SECISBP2: variants seen among roughly 807,000 people sequenced by gnomAD.
The protein encoded by SECISBP2 is selenocysteine insertion sequence-binding protein 2.
In SECISBP2, 96 loss-of-function variants were observed where a neutral mutation model predicts 98.2. That is an observed-to-expected ratio of 0.98 (90% CI 0.83 to 1.16). The LOEUF (loss-of-function observed/expected upper bound fraction) is 1.16. Ranked by LOEUF, SECISBP2 falls within the 50% of genes most tolerant of loss-of-function variation. The probability of loss-of-function intolerance (pLI) is 0.00; values close to 1 mark genes in which losing one functional copy is unlikely to be tolerated. For synonymous variants in SECISBP2, 407 were observed against 370.2 expected, an observed-to-expected ratio of 1.10 and a Z score of -1.14; for missense variants, 1,046 against 1,022.9, an observed-to-expected ratio of 1.02 and a Z score of -0.31.
chr9:89,325,682 T>C lies in SECISBP2; in HGVS notation c.432+6T>C. 1 of 1,613,838 alleles carries C rather than the reference T, an allele frequency of 6.2e-7. No homozygotes were observed. Among genetic ancestry groups the C allele is most frequent in the East Asian group, 2.2e-5 (1 of 44,862 alleles). ...AAATGAAAGCTCTGTTTAAGGTGAGTAGTGATGTTGTTTTGTTGTGTCCTT... is the reference window on the plus strand; with the variant it reads ...AAATGAAAGCTCTGTTTAAGGTGAGCAGTGATGTTGTTTTGTTGTGTCCTT... On this transcript the variant is annotated splice_donor_region_variant and intron_variant, in intron 3 of 16. Coordinates refer to ENST00000375807, the MANE Select transcript of SECISBP2 (RefSeq NM_024077.5).
At chr9:89,340,429 G>C (rs1399347934) in intron 9 of SECISBP2, among the ~76,000 whole-genome samples, 1 of 152,188 alleles carries the variant, frequency 6.6e-6, no homozygotes, top group Non-Finnish European at 1.5e-5. Flanking sequence ...AGATTCAGGA[G>C]GGAGCTTGTG....
At chr9:89,318,767 G>A in intron 1 of SECISBP2, 155 bp downstream of exon 1, 1 of 1,241,278 alleles carries the variant, frequency 8.1e-7, no homozygotes, top group Non-Finnish European at 1.0e-6. Flanking sequence ...CGATCTTCGC[G>A]CCCCGCCTCG....
chr9:89,362,375 T>C, downstream of SECISBP2: 1 of 1,613,962 alleles, frequency 6.2e-7, no homozygotes, highest in Non-Finnish European at 8.5e-7. Context: ...GGGGTTGAGG[T>C]CGGTGTCAGG....
chr9:89,345,339 A>G (rs1830270076), intron 10 of SECISBP2, among the ~76,000 whole-genome samples: 1 of 152,122 alleles, frequency 6.6e-6, no homozygotes, highest in African/African-American at 2.4e-5. Flanking sequence ...CAAGCCCCTT[A>G]TGGCAGTGAC....
At chr9:89,323,488 A>G (rs1409398921) in intron 2 of SECISBP2, 1 of 152,586 alleles carries the variant, frequency 6.6e-6, no homozygotes, top group Admixed American at 6.5e-5. Flanking sequence ...TGGTCAAGCC[A>G]GACCCAACGG....
rs1216118099 is a variant in SECISBP2 at position 89,358,867 on chromosome 9, G to T, written c.*43G>T. ...TCTGTATTTTGGGTAAGGAGGGGAGGTCTGAAAAAGACTTTGGGGCTTTTT... is the reference window on the plus strand; with the variant it reads ...TCTGTATTTTGGGTAAGGAGGGGAGTTCTGAAAAAGACTTTGGGGCTTTTT... On this transcript the variant is annotated 3_prime_UTR_variant, in exon 17 of 17. Coordinates refer to ENST00000375807, the MANE Select transcript of SECISBP2 (RefSeq NM_024077.5). The T allele has an allele frequency of 8.2e-7, 1 of 1,223,636 alleles. No individual in the cohort carries two copies. The highest frequency in any genetic ancestry group is 1.2e-5 in the South Asian group (1 of 82,374). The allele number at this position is 1,223,636 out of a possible 1,614,324, so 75.8% of individuals were successfully genotyped here.
At chr9:89,325,861 G>T (rs1209068454) in intron 3 of SECISBP2, 36 bp from the exon 4 acceptor site, 1 of 1,612,924 alleles carries the variant, frequency 6.2e-7, no homozygotes, top group Non-Finnish European at 8.5e-7. Context: ...TATAGTGGTG[G>T]TTTTATTTCA....
intron 2 of SECISBP2, among the ~76,000 whole-genome samples, chr9:89,320,465 G>T (rs1251955231): frequency 1.3e-5 from 2 of 151,402 alleles, no homozygotes; most frequent in African/African-American, 2.4e-5. Context: ...GAAGGGCAAA[G>T]AAAGGACCAA....
chr9:89,334,892 C>T (rs1290827033), intron 7 of SECISBP2, among the ~76,000 whole-genome samples, 162 bp downstream of exon 7: 1 of 152,170 alleles, frequency 6.6e-6, no homozygotes, highest in Non-Finnish European at 1.5e-5. Flanking sequence ...AGTGAGTGTA[C>T]TTAATGCCAC....
downstream of SECISBP2, chr9:89,361,229 C>G (rs1470665667): frequency 6.6e-6 from 1 of 152,212 alleles, no homozygotes; most frequent in Non-Finnish European, 1.5e-5. Flanking sequence ...CCAGCATCTT[C>G]AGGACACCTG....
At chr9:89,340,117 T>C (rs548775917) in intron 9 of SECISBP2, among the ~76,000 whole-genome samples, 164 bp downstream of exon 9, 147 of 152,316 alleles carry the variant, frequency 9.7e-4, no homozygotes, top group Non-Finnish European at 2.4e-4. Context: ...TGAAACAGAA[T>C]TGCTCTTAAA....
At chr9:89,363,588 C>T, downstream of SECISBP2, 1 of 1,604,628 alleles carries the variant, frequency 6.2e-7, no homozygotes. Context: ...ACCCTTGATG[C>T]CCACTGGCCA....
In SECISBP2 at chr9:89,338,523, A is replaced by G. The variant is rs1401628288; in HGVS notation, c.1155A>G (p.Lys385=). 4 of 1,613,220 alleles carry G rather than the reference A, an allele frequency of 2.5e-6. No individual in the cohort carries two copies. The highest frequency in any genetic ancestry group is 1.3e-5 in the African/African-American group (1 of 74,854). The change falls in exon 8 of 17, where the codon AAA becomes AAG. Residue 385 remains lysine (K), a synonymous_variant. Transcript: ENST00000375807. ...CCTCAAGAAAGAATAAGAAAAAGAAAGAAAAATCTACATCAAAATATGAAG... is the reference window on the plus strand; with the variant it reads ...CCTCAAGAAAGAATAAGAAAAAGAAGGAAAAATCTACATCAAAATATGAAG... ...NEASRKNKKK[K]EKSTSKYEVL...
At chr9:89,329,936 T>G (rs1827471371) in intron 5 of SECISBP2, 1 of 152,220 alleles carries the variant, frequency 6.6e-6, no homozygotes, top group African/African-American at 2.4e-5. Flanking sequence ...TTGAAATACA[T>G]TAAGTCCTCA....
chr9:89,340,499 TTGTCGTTTTGCCTTTTAAAGGGGGC>T (rs573950769), intron 9 of SECISBP2, among the ~76,000 whole-genome samples: 173 of 152,348 alleles, frequency 1.1e-3, no homozygotes, highest in African/African-American at 4.0e-3. Flanking sequence ...AGGATATTCA[TTGTCGTTTTGCCTTTTAAAGGGGGC>T]TGTTGTTTTC....
intron 10 of SECISBP2, among the ~76,000 whole-genome samples, chr9:89,345,216 G>T (rs1397860770): frequency 1.3e-5 from 2 of 152,200 alleles, no homozygotes; most frequent in African/African-American, 2.4e-5. Flanking sequence ...CCTGTCTGTT[G>T]CTTGACTGTT....
chr9:89,362,007 G>T, downstream of SECISBP2: 1 of 330,296 alleles, frequency 3.0e-6, no homozygotes, highest in Admixed American at 4.1e-5. Flanking sequence ...CTCTGTCAAG[G>T]GGAGTCACTG....
chr9:89,341,217 A>T, intron 9 of SECISBP2, 130 bp from the exon 10 acceptor site: 2 of 863,860 alleles, frequency 2.3e-6, no homozygotes, highest in Admixed American at 2.8e-5. Flanking sequence ...TCCTTTCATT[A>T]CTTGAATTTT....
chr9:89,359,914 C>T (rs1216059288), downstream of SECISBP2, among the ~76,000 whole-genome samples: 1 of 152,180 alleles, frequency 6.6e-6, no homozygotes, highest in Non-Finnish European at 1.5e-5. Context: ...AAAGAATTTT[C>T]ACTGCTTTTT....
Sources: gnomAD v4.1 joint callset for allele counts (sites outside exome capture counted in the v4.1 genomes callset) on GRCh38, gnomAD v4.1.1 for gene constraint, MANE v1.5 for transcripts, NCBI Gene and HGNC (gene_info 2026-07-23, HGNC 2026-07-21) for gene names.